The following CREBRF variants were observed in gnomAD, a reference collection of about 807,000 sequenced individuals.
CREBRF encodes the protein CREB3 regulatory factor, also known as UPF0474 protein C5orf41.
In CREBRF, 5 loss-of-function variants were observed where a neutral mutation model predicts 66.1. That is an observed-to-expected ratio of 0.08 (90% CI 0.04 to 0.16). The LOEUF is 0.16. Among genes scored for constraint, CREBRF ranks in the 10% least tolerant of loss-of-function variants. The pLI, the probability that CREBRF is intolerant of heterozygous loss-of-function variation, is 1.00. For synonymous variants in CREBRF, 229 were observed against 264.4 expected (o/e 0.87, Z 1.30); for missense variants, 531 against 744.9 (o/e 0.71, Z 3.34).
At chr5:173,073,782 A>G (rs1757664973) in intron 1 of CREBRF, among the ~76,000 whole-genome samples, 2 of 152,054 alleles carry the variant, frequency 1.3e-5, no homozygotes, top group Non-Finnish European at 2.9e-5. Context: ...CCTGGCTAAT[A>G]TGGTGAAACA....
Position 173,084,129 on chromosome 5 carries a change from G to A in CREBRF, c.10-2372G>A, listed in dbSNP as rs117111839. On this transcript the variant is annotated intron_variant, in intron 2 of 8. Transcript: ENST00000296953. ...GAAAGAAAAGGCAACTTTCAAAAAG[G>A]AGTATGTTATTAAATGAGGCATTTA... is the stretch of plus-strand genomic sequence containing the variant. Among the ~76,000 whole-genome samples the A allele has an allele frequency of 3.8e-3, 583 of 152,194 alleles. 8 individuals carry two copies. The highest frequency in any genetic ancestry group is 0.03 in the East Asian group (158 of 5,184).
At chr5:173,124,916 CTTCTT>C (rs1279861094) in intron 8 of CREBRF, among the ~76,000 whole-genome samples, 23 of 124,898 alleles carry the variant, frequency 1.8e-4, no homozygotes, top group Admixed American at 8.8e-4. Context: ...CTTTCTTCTT[CTTCTT>C]TTTTTTTTTT....
chr5:173,091,452 G>T, intron 4 of CREBRF, 51 bp downstream of exon 4: 1 of 1,560,278 alleles, frequency 6.4e-7, no homozygotes, highest in Non-Finnish European at 8.7e-7. Flanking sequence ...TTACTATTTT[G>T]AAATAGAAAG....
At chr5:173,124,220 A>C (rs1200985286) in intron 8 of CREBRF, 1 of 152,196 alleles carries the variant, frequency 6.6e-6, no homozygotes, top group African/African-American at 2.4e-5. Flanking sequence ...GAGTATCTTG[A>C]ATATGAGTCT....
chr5:173,114,833 A>G (rs1758947661), intron 7 of CREBRF, among the ~76,000 whole-genome samples: 1 of 152,184 alleles, frequency 6.6e-6, no homozygotes, highest in South Asian at 2.1e-4. Flanking sequence ...TTTTGTCCCT[A>G]AGGAAAGCTA....
intron 5 of CREBRF, chr5:173,109,040 C>T (rs760501580): frequency 1.1e-4 from 51 of 475,062 alleles, no homozygotes; most frequent in Non-Finnish European, 1.7e-4. Context: ...ACTGTGTAAA[C>T]ATTATTTCAT....
chr5:173,084,751 C>A (rs1758082339), intron 2 of CREBRF, among the ~76,000 whole-genome samples: 1 of 152,128 alleles, frequency 6.6e-6, no homozygotes, highest in Non-Finnish European at 1.5e-5. Flanking sequence ...ATGCCGTTCT[C>A]TTGCCTCAGT....
Position 173,091,228 on chromosome 5 carries a change from C to G in CREBRF, c.1049C>G (p.Thr350Ser). ...TCCGACAACTTGGGTGAACAGCCAA[C>G]TAAATGCAGTCCTGAAGAAGATGAG... ...FVSDNLGEQP[T>S]KCSPEEDEED... The change falls in exon 4 of 9, where the codon ACT becomes AGT. Residue 350 changes from threonine (T) to serine (S), a missense_variant. Coordinates refer to ENST00000296953, the MANE Select transcript of CREBRF (RefSeq NM_153607.3). 1 of 1,614,074 alleles carries G rather than the reference C, an allele frequency of 6.2e-7. No individual in the cohort carries two copies. Among genetic ancestry groups the G allele is most frequent in the Non-Finnish European group, 8.5e-7 (1 of 1,180,022 alleles).
chr5:173,120,683 CTTTTTTTTT>C (rs70984942), intron 7 of CREBRF, among the ~76,000 whole-genome samples: 3 of 51,216 alleles, frequency 5.9e-5, no homozygotes, highest in Admixed American at 5.5e-4. Context: ...GCCTGAGCCT[CTTTTTTTTT>C]TTTTTTTTTT....
chr5:173,088,496 A>AT (rs1758234592), intron 3 of CREBRF, among the ~76,000 whole-genome samples: 1 of 150,870 alleles, frequency 6.6e-6, no homozygotes. Context: ...TCTCAAAAAA[A>AT]AAAAAAAAAA....
intron 1 of CREBRF, chr5:173,068,251 T>C: frequency 6.1e-6 from 2 of 326,246 alleles, no homozygotes; most frequent in South Asian, 4.6e-5. Context: ...GTACTTCTCC[T>C]TCTCTGATAG....
chr5:173,087,149 G>C (rs561385997), intron 3 of CREBRF, among the ~76,000 whole-genome samples: 278 of 152,124 alleles, frequency 1.8e-3, no homozygotes, highest in African/African-American at 6.5e-3. Flanking sequence ...GTGTCACCAC[G>C]TTGGCCAGGC....
At position 173,134,330 on chromosome 5, in the gene CREBRF, A is replaced by T. The variant is rs1271515846; in HGVS notation, c.*585A>T. On this transcript the variant is annotated 3_prime_UTR_variant, in exon 9 of 9. Coordinates refer to ENST00000296953, the MANE Select transcript of CREBRF (RefSeq NM_153607.3). ...AATGTCTGTGCAAGTAAGAAAAAAAAAGCATATTCTTTGTGCCTTGTATTT... is the reference window on the plus strand; with the variant it reads ...AATGTCTGTGCAAGTAAGAAAAAAATAGCATATTCTTTGTGCCTTGTATTT... 6 of 242,808 alleles carry T rather than the reference A, an allele frequency of 2.5e-5. No homozygotes were observed. Among genetic ancestry groups the T allele is most frequent in the Non-Finnish European group, 4.9e-5 (6 of 121,982 alleles). The allele number at this position is 242,808 out of a possible 1,614,324, so 15.0% of individuals were successfully genotyped here. A position where few individuals can be genotyped will look rare whatever the true frequency, so the allele number is the denominator to read the frequency against.
At chr5:173,078,314 C>A (rs1757832663) in intron 1 of CREBRF, among the ~76,000 whole-genome samples, 2 of 152,084 alleles carry the variant, frequency 1.3e-5, no homozygotes, top group Admixed American at 6.6e-5. Context: ...GGAAGAGCTA[C>A]TTACTGTTGT....
chr5:173,102,469 A>G (rs924018005), intron 4 of CREBRF, among the ~76,000 whole-genome samples: 3 of 152,016 alleles, frequency 2.0e-5, no homozygotes, highest in Admixed American at 6.6e-5. Context: ...AGGCTGGCCT[A>G]TTGCTGGAGT....
intron 8 of CREBRF, chr5:173,123,530 T>C: frequency 4.1e-6 from 1 of 245,690 alleles, no homozygotes; most frequent in Non-Finnish European, 7.8e-6. Context: ...AGATTCTTAC[T>C]TGTTTTACTC....
At chr5:173,078,807 G>A (rs538872274) in intron 1 of CREBRF, among the ~76,000 whole-genome samples, 5 of 152,228 alleles carry the variant, frequency 3.3e-5, no homozygotes, top group East Asian at 1.9e-4. Context: ...TTACAGGTGT[G>A]AGCCACTGCG....
intron 1 of CREBRF, among the ~76,000 whole-genome samples, chr5:173,058,654 T>G (rs1005028811): frequency 1.3e-5 from 2 of 150,368 alleles, no homozygotes; most frequent in East Asian, 3.9e-4. Flanking sequence ...CGGCTAATTT[T>G]TTTTGTATTT....
intron 4 of CREBRF, among the ~76,000 whole-genome samples, chr5:173,106,992 C>T (rs1233804823): frequency 2.0e-5 from 3 of 152,144 alleles, no homozygotes; most frequent in Non-Finnish European, 2.9e-5. Context: ...TCAGGTGATC[C>T]GCCCACCTTG....
Sources: gnomAD v4.1 joint callset for allele counts (sites outside exome capture counted in the v4.1 genomes callset) on GRCh38, gnomAD v4.1.1 for gene constraint, MANE v1.5 for transcripts, NCBI Gene and HGNC (gene_info 2026-07-23, HGNC 2026-07-21) for gene names.